The following ACBD5 variants were observed in gnomAD, a reference collection of about 807,000 sequenced individuals.
ACBD5 encodes the protein acyl-CoA-binding domain-containing protein 5.
Under a neutral mutation model 71.8 loss-of-function variants are expected in ACBD5, and 40 were observed. The observed-to-expected ratio is 0.56, with a 90% CI of 0.43 to 0.72. The LOEUF (loss-of-function observed/expected upper bound fraction) is 0.72. Ranked by LOEUF, ACBD5 falls within the 30% of genes least tolerant of loss-of-function variation. The probability of loss-of-function intolerance (pLI) is 0.00; values close to 1 mark genes in which losing one functional copy is unlikely to be tolerated. For missense variants in ACBD5, 559 were observed against 644.5 expected (o/e 0.87, Z 1.44); for synonymous variants, 229 against 218.6 (o/e 1.05, Z -0.42).
downstream of ACBD5, among the ~76,000 whole-genome samples, chr10:27,194,940 G>C (rs985233235): frequency 4.6e-5 from 7 of 152,098 alleles, no homozygotes; most frequent in African/African-American, 1.7e-4. Flanking sequence ...AGGTTGCAGT[G>C]AGCCGAGATC....
intron 9 of ACBD5, among the ~76,000 whole-genome samples, chr10:27,209,091 CT>C (rs375546561): frequency 0.18 from 27,323 of 148,516 alleles, 2,982 homozygotes; most frequent in East Asian, 0.29. Context: ...AATTCAAAGA[CT>C]TTTTTTTTTT....
At chr10:27,223,917 TA>T (rs1164549052) in intron 4 of ACBD5, among the ~76,000 whole-genome samples, 1 of 151,110 alleles carries the variant, frequency 6.6e-6, no homozygotes, top group African/African-American at 2.4e-5. Context: ...CTCCAAAAAT[TA>T]AAAAATAAAA....
Position 27,196,454 on chromosome 10 carries a change from T to C in ACBD5, c.*976A>G. ...CCCTCCAGTACTCCTGTGAAGTAGG[T>C]GTATCTAAAATAGTATACCCCGAAG... On this transcript the variant is annotated 3_prime_UTR_variant, in exon 13 of 13. Coordinates refer to ENST00000396271, the MANE Select transcript of ACBD5 (RefSeq NM_145698.5). 2.2e-6 allele frequency: 1 copy of C among 454,502 alleles called. No individual in the cohort carries two copies. The highest frequency in any genetic ancestry group is 4.4e-6 in the Non-Finnish European group (1 of 226,788). The allele number at this position is 454,502 out of a possible 1,614,324, so 28.2% of individuals were successfully genotyped here.
intron 12 of ACBD5, among the ~76,000 whole-genome samples, chr10:27,202,267 A>G (rs936171961): frequency 2.6e-5 from 4 of 152,230 alleles, no homozygotes; most frequent in African/African-American, 9.6e-5. Context: ...ACCACAGTTA[A>G]TCTATTACAT....
intron 4 of ACBD5, 126 bp downstream of exon 4, chr10:27,231,622 A>C: frequency 1.2e-6 from 1 of 833,460 alleles, no homozygotes; most frequent in Non-Finnish European, 2.0e-6. Flanking sequence ...AACAAATCCA[A>C]TAATCTAGAT....
intron 7 of ACBD5, among the ~76,000 whole-genome samples, chr10:27,216,630 AATTTG>A (rs1247955092): frequency 6.6e-6 from 1 of 152,180 alleles, no homozygotes; most frequent in East Asian, 1.9e-4. Context: ...CTGAGAGACG[AATTTG>A]ATTTATCAAG....
At chr10:27,227,395 A>G (rs1295710287) in intron 4 of ACBD5, among the ~76,000 whole-genome samples, 1 of 152,102 alleles carries the variant, frequency 6.6e-6, no homozygotes, top group Non-Finnish European at 1.5e-5. Context: ...CAAAATTACC[A>G]CATCTCTTAA....
At chr10:27,186,720 T>C in intron 13 of ACBD5, 1 of 614,628 alleles carries the variant, frequency 1.6e-6, no homozygotes, top group Non-Finnish European at 2.9e-6. Context: ...CAGTAATTTA[T>C]CTTAACCTCA....
intron 6 of ACBD5, among the ~76,000 whole-genome samples, chr10:27,219,316 C>CA (rs144230661): frequency 0.17 from 24,851 of 149,740 alleles, 4,095 homozygotes; most frequent in African/African-American, 0.43. Context: ...CATAAAAAAA[C>CA]AAAAAAAAAA....
chr10:27,208,560 A>T (rs1028847593), intron 9 of ACBD5, 115 bp from the exon 10 acceptor site: 13 of 1,281,870 alleles, frequency 1.0e-5, no homozygotes, highest in South Asian at 2.5e-5. Context: ...AAGTGTGGCC[A>T]GGAGCTGTGG....
chr10:27,213,940 G>A (rs1467764974), intron 8 of ACBD5, among the ~76,000 whole-genome samples: 1 of 151,976 alleles, frequency 6.6e-6, no homozygotes, highest in African/African-American at 2.4e-5. Context: ...ACAGACGAAT[G>A]GATAAAGAAA....
intron 12 of ACBD5, among the ~76,000 whole-genome samples, chr10:27,202,666 G>T (rs1405052609): frequency 2.6e-5 from 4 of 151,930 alleles, no homozygotes; most frequent in Admixed American, 2.6e-4. Context: ...GTAAGCTTTA[G>T]AGTTTTTTTT....
intron 3 of ACBD5, among the ~76,000 whole-genome samples, chr10:27,232,024 T>A (rs1422026874): frequency 6.6e-6 from 1 of 152,128 alleles, no homozygotes; most frequent in Non-Finnish European, 1.5e-5. Flanking sequence ...AACAAATAAG[T>A]ATATAACCCG....
intron 12 of ACBD5, among the ~76,000 whole-genome samples, chr10:27,203,331 A>C (rs1017783834): frequency 1.3e-5 from 2 of 152,178 alleles, no homozygotes; most frequent in African/African-American, 4.8e-5. Flanking sequence ...GTTTGGCCTC[A>C]GGTTATTCCT....
chr10:27,217,197 T>C (rs12763511), intron 7 of ACBD5, among the ~76,000 whole-genome samples: 5 of 145,840 alleles, frequency 3.4e-5, no homozygotes, highest in South Asian at 2.2e-4. Flanking sequence ...GCCTCACACC[T>C]GTAATTCCAG....
chr10:27,197,357 G>C lies in ACBD5; in HGVS notation c.*73C>G. ...AATCATCACAAACTAAGATTTTCTT[G>C]TGAACACCACAATCCAGTTCATTCT... is the stretch of plus-strand genomic sequence containing the variant. On this transcript the variant is annotated 3_prime_UTR_variant, in exon 13 of 13. Coordinates refer to ENST00000396271, the MANE Select transcript of ACBD5 (RefSeq NM_145698.5). The C allele has an allele frequency of 1.4e-6, 2 of 1,437,912 alleles. No homozygotes were observed. The highest frequency in any genetic ancestry group is 2.3e-5 in the East Asian group (1 of 43,844). 89.1% of individuals were successfully genotyped at this position (1,437,912 alleles called of 1,614,324 possible). A position where few individuals can be genotyped will look rare whatever the true frequency, so the allele number is the denominator to read the frequency against.
chr10:27,209,389 A>G (rs1265198324), intron 9 of ACBD5, among the ~76,000 whole-genome samples: 1 of 152,042 alleles, frequency 6.6e-6, no homozygotes, highest in Admixed American at 6.6e-5. Flanking sequence ...GCTGGAGTGC[A>G]ATGGCTCACT....
intron 13 of ACBD5, among the ~76,000 whole-genome samples, chr10:27,187,152 T>G (rs1474203891): frequency 6.6e-6 from 1 of 152,004 alleles, no homozygotes; most frequent in Non-Finnish European, 1.5e-5. Context: ...ATACACAAAT[T>G]AGCCGGGCAT....
intron 5 of ACBD5, among the ~76,000 whole-genome samples, chr10:27,222,987 T>C (rs1289299920): frequency 1.3e-5 from 2 of 152,228 alleles, no homozygotes; most frequent in Non-Finnish European, 2.9e-5. Context: ...AATTCTGCTA[T>C]AATTTCGAAT....
Sources: allele counts gnomAD v4.1 joint callset (sites outside exome capture counted in the v4.1 genomes callset), GRCh38; gene constraint gnomAD v4.1.1; transcripts MANE v1.5; gene names NCBI Gene and HGNC (gene_info 2026-07-23, HGNC 2026-07-21).